DOCK1: variants seen among roughly 807,000 people sequenced by gnomAD.
DOCK1 encodes dedicator of cytokinesis 1, also known as dedicator of cytokinesis protein 1.
DOCK1 carries 138 observed loss-of-function variants against 262.7 expected under a neutral mutation model. The ratio of observed to expected loss-of-function variants is 0.53; its 90% CI spans 0.46 to 0.61. The LOEUF is 0.61. Among genes scored for constraint, DOCK1 ranks in the 20% least tolerant of loss-of-function variants. The probability of loss-of-function intolerance (pLI) is 0.00; values close to 1 mark genes in which losing one functional copy is unlikely to be tolerated. For synonymous variants in DOCK1, 866 were observed against 867.4 expected, an observed-to-expected ratio of 1.00 and a Z score of 0.03; for missense variants, 1,908 against 2,370.7, an observed-to-expected ratio of 0.80 and a Z score of 4.05.
chr10:127,142,186 C>T lies in DOCK1; in HGVS notation c.2847+14422C>T, dbSNP rs550955660. ...ACCATCACGGTCCCAGGCCACCAGACGTGCTGTGTGCACCTGCTTTCCCAG... is the reference window on the plus strand; with the variant it reads ...ACCATCACGGTCCCAGGCCACCAGATGTGCTGTGTGCACCTGCTTTCCCAG... On this transcript the variant is annotated intron_variant, in intron 27 of 51. Coordinates refer to ENST00000623213, the MANE Select transcript of DOCK1 (RefSeq NM_001290223.2). 5.3e-5 allele frequency among the ~76,000 whole-genome samples: 8 copies of T among 152,322 alleles called. No homozygotes were observed. In the South Asian group the frequency reaches 1.7e-3, roughly 32 times the overall value.
Position 127,140,644 on chromosome 10 carries a change from C to CTGGGTTGAGTTTGACACACCGAGTCTT in DOCK1, c.2847+12906_2847+12907insTTGGGTTGAGTTTGACACACCGAGTCT, listed in dbSNP as rs1169905282. Among the ~76,000 whole-genome samples, 3 of 150,596 alleles carry CTGGGTTGAGTTTGACACACCGAGTCTT rather than the reference C, an allele frequency of 2.0e-5. No homozygotes were observed. In the East Asian group the frequency reaches 5.8e-4, roughly 29 times the overall value. ...CGGTTGAGTTTGACACACCAAGTCT[C>CTGGGTTGAGTTTGACACACCGAGTCTT]TGGGTTGAGTTTGACACACCGAGTC... On this transcript the variant is annotated intron_variant, in intron 27 of 51. Coordinates refer to ENST00000623213, the MANE Select transcript of DOCK1 (RefSeq NM_001290223.2).
chr10:127,028,355 T>G (rs2043019737), intron 16 of DOCK1, among the ~76,000 whole-genome samples: 1 of 152,194 alleles, frequency 6.6e-6, no homozygotes, highest in Admixed American at 6.5e-5. Flanking sequence ...TCAGCAGATG[T>G]TGGCCATCGT....
chr10:127,148,928 A>G (rs2052189660), intron 27 of DOCK1, among the ~76,000 whole-genome samples: 1 of 152,190 alleles, frequency 6.6e-6, no homozygotes, highest in African/African-American at 2.4e-5. Flanking sequence ...AAAAAGATGT[A>G]GCTGTGTCAA....
At chr10:127,226,524 CTTGAGGTCAGGAG>C (rs2134499263) in intron 27 of DOCK1, among the ~76,000 whole-genome samples, 1 of 152,170 alleles carries the variant, frequency 6.6e-6, no homozygotes, top group South Asian at 2.1e-4. Flanking sequence ...GGATGGATCG[CTTGAGGTCAGGAG>C]TTCGAGACCA....
chr10:127,037,822 A>G lies in DOCK1; in HGVS notation c.2010+6A>G, dbSNP rs2043743281. On this transcript the variant is annotated splice_donor_region_variant and intron_variant, in intron 19 of 51. Coordinates refer to ENST00000623213, the MANE Select transcript of DOCK1 (RefSeq NM_001290223.2). ...ATGGTGGTGAAGTAGTGAAGGTAAC[A>G]TGGAGCCCAAAGGGACTTTTTGGGT... 6.4e-7 allele frequency: 1 copy of G among 1,559,746 alleles called. No individual in the cohort carries two copies. Among genetic ancestry groups the G allele is most frequent in the Non-Finnish European group, 8.7e-7 (1 of 1,156,022 alleles).
At chr10:127,236,320 C>T (rs1331725298) in intron 27 of DOCK1, among the ~76,000 whole-genome samples, 1 of 140,458 alleles carries the variant, frequency 7.1e-6, no homozygotes, top group Admixed American at 7.2e-5. Context: ...TTTCTTTCTC[C>T]CTCCCTCCCC....
intron 1 of DOCK1, among the ~76,000 whole-genome samples, chr10:126,940,748 A>G (rs2034921769): frequency 6.6e-6 from 1 of 152,216 alleles, no homozygotes; most frequent in African/African-American, 2.4e-5. Flanking sequence ...CAAATAAGTC[A>G]GAGTGCCTTT....
At chr10:127,450,451 T>C (rs1450255006) in intron 51 of DOCK1, among the ~76,000 whole-genome samples, 1 of 152,266 alleles carries the variant, frequency 6.6e-6, no homozygotes, top group Admixed American at 6.5e-5. Context: ...TGTTCACTTC[T>C]TCATTCATTT....
At chr10:127,146,984 C>T (rs1161942415) in intron 27 of DOCK1, among the ~76,000 whole-genome samples, 2 of 152,192 alleles carry the variant, frequency 1.3e-5, no homozygotes, top group Non-Finnish European at 1.5e-5. Flanking sequence ...TGCCAGTGTG[C>T]GTGATTTTAT....
At chr10:127,423,012 A>C (rs557524031) in intron 46 of DOCK1, among the ~76,000 whole-genome samples, 1 of 152,210 alleles carries the variant, frequency 6.6e-6, no homozygotes, top group Non-Finnish European at 1.5e-5. Flanking sequence ...AAAGCAGGTC[A>C]CAGGAAAGGT....
chr10:127,325,124 A>G (rs2766056), intron 29 of DOCK1, among the ~76,000 whole-genome samples: 76,017 of 151,974 alleles, frequency 0.5, 19,724 homozygotes, highest in African/African-American at 0.65. Flanking sequence ...TAATCATTAC[A>G]CTCATTAAGA....
At chr10:126,935,416 G>A (rs2034499225) in intron 1 of DOCK1, among the ~76,000 whole-genome samples, 1 of 152,190 alleles carries the variant, frequency 6.6e-6, no homozygotes, top group African/African-American at 2.4e-5. Context: ...TTGCATCCAT[G>A]TAGGAGGGCC....
chr10:126,998,085 T>C lies in DOCK1; in HGVS notation c.610-7T>C. The C allele has an allele frequency of 2.5e-6, 4 of 1,613,972 alleles. No individual in the cohort carries two copies. The highest frequency in any genetic ancestry group is 2.5e-6 in the Non-Finnish European group (3 of 1,179,858). On this transcript the variant is annotated splice_polypyrimidine_tract_variant and splice_region_variant and intron_variant, in intron 7 of 51. Coordinates refer to ENST00000623213, the MANE Select transcript of DOCK1 (RefSeq NM_001290223.2). ...GGGGTTGACTTTCTGTTTCCTTCCA[T>C]ACACAGTCTCAAAAGCAGAACATAG...
intron 16 of DOCK1, among the ~76,000 whole-genome samples, chr10:127,031,343 C>G (rs912467340): frequency 6.6e-6 from 1 of 152,160 alleles, no homozygotes; most frequent in Non-Finnish European, 1.5e-5. Context: ...CAAGACCATG[C>G]TGCTCTTCTT....
In DOCK1 at chr10:127,347,832, GCCTTCCCTTCCCTTC is replaced by G. The variant is rs762273476; in HGVS notation, c.3224+4124_3224+4138del. ...CTGAGGGAGCATCCCCAACCCCTCA[GCCTTCCCTTCCCTTC>G]CCTTCCCTTCCCTTCCCTTCCCTTC... is the stretch of plus-strand genomic sequence containing the variant. On this transcript the variant is annotated intron_variant, in intron 31 of 51. Coordinates refer to ENST00000623213, the MANE Select transcript of DOCK1 (RefSeq NM_001290223.2). Among the ~76,000 whole-genome samples the G allele has an allele frequency of 1.1e-3, 65 of 57,544 alleles. 12 individuals are homozygous for G. The highest frequency in any genetic ancestry group is 5.0e-3 in the African/African-American group (50 of 9,962). The allele number at this position is 57,544 out of a possible 152,430, so 37.8% of individuals were successfully genotyped here.
At position 127,176,234 on chromosome 10, in the gene DOCK1, C is replaced by T. The variant is rs1162029657; in HGVS notation, c.2847+48470C>T. The stretch of plus-strand genomic sequence containing the variant: ...GTGTGTCCCTCTGCTCATTCTGTGC[C>T]TCGCAGATATCCTTAAACCGCACCT... On this transcript the variant is annotated intron_variant, in intron 27 of 51. Transcript: ENST00000623213. This position sits in a 1 kb window ranked among gnomAD's most constrained non-coding sequence, Gnocchi z 4.4. 1.7e-5 allele frequency: 28 copies of T among 1,614,036 alleles called. No individual in the cohort carries two copies. The highest frequency in any genetic ancestry group is 2.2e-5 in the Non-Finnish European group (26 of 1,180,034).
At chr10:127,027,644 G>A (rs1012318919) in intron 16 of DOCK1, among the ~76,000 whole-genome samples, 3 of 152,086 alleles carry the variant, frequency 2.0e-5, no homozygotes, top group African/African-American at 4.8e-5. Context: ...ATTCTTGAAG[G>A]TCAGGCAAGG....
At position 127,336,570 on chromosome 10, in the gene DOCK1, C is replaced by T. The variant is rs150427403; in HGVS notation, c.3045-2436C>T. On this transcript the variant is annotated intron_variant, in intron 29 of 51. Coordinates refer to ENST00000623213, the MANE Select transcript of DOCK1 (RefSeq NM_001290223.2). Reference sequence around the variant, plus strand: ...TTTTTTTTTAATTTGAGACAAGTCTCACTCTGTCACCCAGGCTGGAGTGCA... The same window carrying T: ...TTTTTTTTTAATTTGAGACAAGTCTTACTCTGTCACCCAGGCTGGAGTGCA... Among the ~76,000 whole-genome samples the T allele has an allele frequency of 9.8e-3, 1,463 of 149,298 alleles. 14 individuals carry two copies. Among genetic ancestry groups the T allele is most frequent in the Non-Finnish European group, 0.016 (1,057 of 67,642 alleles).
intron 18 of DOCK1, among the ~76,000 whole-genome samples, chr10:127,034,652 G>T (rs74161529): frequency 6.6e-6 from 1 of 152,154 alleles, no homozygotes; most frequent in African/African-American, 2.4e-5. Flanking sequence ...ACATCTCCAG[G>T]TGGGCCACAC....
Sources: gnomAD v4.1 joint callset for allele counts (sites outside exome capture counted in the v4.1 genomes callset) on GRCh38, gnomAD v4.1.1 for gene constraint, Gnocchi (gnomAD v3.1) non-coding constraint, MANE v1.5 for transcripts, NCBI Gene and HGNC (gene_info 2026-07-23, HGNC 2026-07-21) for gene names.